The following PPARGC1A variants were observed in gnomAD, a reference collection of about 807,000 sequenced individuals.
PPARGC1A encodes the protein PPARG coactivator 1 alpha, also known as peroxisome proliferator-activated receptor gamma coactivator 1-alpha.
In PPARGC1A, 25 loss-of-function variants were observed where a neutral mutation model predicts 88.7. That is an observed-to-expected ratio of 0.28 (90% CI 0.21 to 0.39). PPARGC1A has a LOEUF of 0.39. Ranked by LOEUF, PPARGC1A falls within the 10% of genes least tolerant of loss-of-function variation. PPARGC1A has a pLI of 1.00. For missense variants in PPARGC1A, 880 were observed against 968.7 expected (o/e 0.91, Z 1.22); for synonymous variants, 363 against 355.6 (o/e 1.02, Z -0.24).
chr4:24,184,078 ATGT>A, the PPARGC1A span, among the ~76,000 whole-genome samples: 1 of 152,188 alleles, frequency 6.6e-6, no homozygotes, highest in South Asian at 2.1e-4. Context: ...GTGAAGTGTG[ATGT>A]TGTAAAAGAA....
chr4:24,284,628 G>A, the PPARGC1A span, among the ~76,000 whole-genome samples: 1 of 152,320 alleles, frequency 6.6e-6, no homozygotes, highest in East Asian at 1.9e-4. Context: ...TCACAGACTT[G>A]GGGACAGCTC....
At chr4:24,315,526 T>C in the PPARGC1A span, among the ~76,000 whole-genome samples, 3 of 152,310 alleles carry the variant, frequency 2.0e-5, no homozygotes, top group South Asian at 4.1e-4. Context: ...GTGAGATGTG[T>C]CCACAAACCA....
At chr4:24,237,296 A>G in the PPARGC1A span, among the ~76,000 whole-genome samples, 2 of 151,496 alleles carry the variant, frequency 1.3e-5, no homozygotes, top group South Asian at 2.1e-4. Flanking sequence ...TCTACTTTCC[A>G]TAAGAGTTCT....
the PPARGC1A span, among the ~76,000 whole-genome samples, chr4:24,270,589 G>GA: frequency 6.6e-6 from 1 of 151,860 alleles, no homozygotes. Context: ...TCACTACATA[G>GA]AAAAAAATCT....
At chr4:23,798,117 T>C (rs1200580825) in intron 12 of PPARGC1A, among the ~76,000 whole-genome samples, 2 of 151,888 alleles carry the variant, frequency 1.3e-5, no homozygotes, top group East Asian at 3.9e-4. Flanking sequence ...CCAAATCTTA[T>C]ACAACGGCCC....
At chr4:23,971,660 C>G in the PPARGC1A span, among the ~76,000 whole-genome samples, 42 of 152,162 alleles carry the variant, frequency 2.8e-4, no homozygotes, top group Non-Finnish European at 4.4e-4. Flanking sequence ...TCTGGCTGTG[C>G]TGGCAGCTGA....
chr4:24,315,396 A>G, the PPARGC1A span, among the ~76,000 whole-genome samples: 1 of 152,204 alleles, frequency 6.6e-6, no homozygotes, highest in Non-Finnish European at 1.5e-5. Context: ...CTTGATATGC[A>G]GAAGCTGGAA....
the PPARGC1A span, among the ~76,000 whole-genome samples, chr4:24,353,602 C>G: frequency 6.6e-6 from 1 of 152,158 alleles, no homozygotes; most frequent in Non-Finnish European, 1.5e-5. Context: ...TATTCTGTTT[C>G]CCACCTGTAA....
chr4:24,010,184 C>T, the PPARGC1A span, among the ~76,000 whole-genome samples: 1 of 152,228 alleles, frequency 6.6e-6, no homozygotes, highest in African/African-American at 2.4e-5. Flanking sequence ...TCTTTAGTTT[C>T]CTCATTTACA....
At chr4:23,960,580 C>T in the PPARGC1A span, among the ~76,000 whole-genome samples, 10 of 152,054 alleles carry the variant, frequency 6.6e-5, no homozygotes, top group African/African-American at 1.4e-4. Flanking sequence ...CATAGAGTTT[C>T]GCTGTGCATA....
At chr4:24,440,198 C>G in the PPARGC1A span, among the ~76,000 whole-genome samples, 1 of 152,116 alleles carries the variant, frequency 6.6e-6, no homozygotes. Context: ...TTCATACATC[C>G]CTCCAGTGTT....
chr4:24,431,887 C>A, the PPARGC1A span, among the ~76,000 whole-genome samples: 1 of 152,162 alleles, frequency 6.6e-6, no homozygotes. Context: ...TCAACCAAGG[C>A]AATTGCTTTA....
the PPARGC1A span, among the ~76,000 whole-genome samples, chr4:24,126,302 C>CACACACACACACACAG: frequency 2.0e-5 from 3 of 150,288 alleles, no homozygotes; most frequent in East Asian, 2.0e-4. Context: ...CACACACACA[C>CACACACACACACACAG]AGTCATTTTT....
chr4:24,236,015 A>G, the PPARGC1A span, among the ~76,000 whole-genome samples: 40 of 152,208 alleles, frequency 2.6e-4, no homozygotes, highest in Non-Finnish European at 4.6e-4. Flanking sequence ...GTTACCATCA[A>G]TATCCCAGGG....
At chr4:24,015,586 T>A in the PPARGC1A span, among the ~76,000 whole-genome samples, 1 of 152,132 alleles carries the variant, frequency 6.6e-6, no homozygotes, top group African/African-American at 2.4e-5. Context: ...ACTGCCTAGA[T>A]CTTCAACAGC....
the PPARGC1A span, among the ~76,000 whole-genome samples, chr4:23,925,323 C>A: frequency 1.3e-5 from 2 of 152,130 alleles, no homozygotes; most frequent in African/African-American, 4.8e-5. Context: ...TGTCTGCACA[C>A]CAATCCCCGC....
intron 2 of PPARGC1A, among the ~76,000 whole-genome samples, chr4:23,835,665 A>G (rs1168899949): frequency 3.9e-5 from 6 of 152,160 alleles, no homozygotes; most frequent in Admixed American, 3.9e-4. Flanking sequence ...CATTTATTTT[A>G]GTAAATTTTT....
chr4:24,294,831 C>T, the PPARGC1A span, among the ~76,000 whole-genome samples: 6 of 152,196 alleles, frequency 3.9e-5, no homozygotes, highest in South Asian at 4.1e-4. Context: ...CCAGGCAAAT[C>T]GTATCCATAA....
At chr4:24,464,276 G>C in the PPARGC1A span, among the ~76,000 whole-genome samples, 1 of 152,324 alleles carries the variant, frequency 6.6e-6, no homozygotes, top group African/African-American at 2.4e-5. Flanking sequence ...AAATGTAATT[G>C]ATTCCATTTT....
Sources: allele counts gnomAD v4.1 joint callset (sites outside exome capture counted in the v4.1 genomes callset), GRCh38; gene constraint gnomAD v4.1.1; transcripts MANE v1.5; gene names NCBI Gene and HGNC (gene_info 2026-07-23, HGNC 2026-07-21).